MAP4K1: variants seen among roughly 807,000 people sequenced by gnomAD.
The protein encoded by MAP4K1 is mitogen-activated protein kinase kinase kinase kinase 1.
MAP4K1 carries 35 observed loss-of-function variants against 122.8 expected under a neutral mutation model. The observed-to-expected ratio is 0.29, with a 90% CI of 0.22 to 0.38. The LOEUF is 0.38. Ranked by LOEUF, MAP4K1 falls within the 10% of genes least tolerant of loss-of-function variation. The pLI is 1.00. For missense variants in MAP4K1, 791 were observed against 1,072.6 expected (o/e 0.74, Z 3.67); for synonymous variants, 412 against 421.3 (o/e 0.98, Z 0.27).
intron 29 of MAP4K1, among the ~76,000 whole-genome samples, chr19:38,594,969 C>G (rs1478799952): frequency 1.3e-5 from 2 of 149,384 alleles, no homozygotes; most frequent in Admixed American, 6.7e-5. Context: ...ATCTATCTAT[C>G]TATCTATCTA....
intron 4 of MAP4K1, among the ~76,000 whole-genome samples, chr19:38,615,286 C>A (rs972610685): frequency 1.3e-5 from 2 of 150,852 alleles, no homozygotes; most frequent in African/African-American, 4.9e-5. Context: ...TGGGGTGGAC[C>A]CTGATGAGGA....
intron 8 of MAP4K1, among the ~76,000 whole-genome samples, chr19:38,613,495 A>T (rs535334973): frequency 4.7e-4 from 72 of 152,022 alleles, no homozygotes; most frequent in Non-Finnish European, 8.5e-4. Context: ...ACTGCAATCC[A>T]GCCTGGGCCA....
chr19:38,597,377 T>C lies in MAP4K1; in HGVS notation c.1786A>G (p.Met596Val). The change falls in exon 24 of 31, where the codon ATG becomes GTG. Residue 596 changes from methionine to valine, a missense_variant. Met to Val is a conservative substitution (Grantham distance 21). Coordinates refer to ENST00000396857, the MANE Select transcript of MAP4K1 (RefSeq NM_001042600.3). The surrounding 1 kb of genome is among the most constrained non-coding windows in gnomAD (Gnocchi z 4.6). ...GTGTCCTGGATCTTGGTGGAAACCA[T>C]GTTCTTCCTGGAGAATAGGTAGGTG... ...SPHRLLARKN[M>V]VSTKIQDTKG... is the part of the protein sequence containing the mutation. 5 of 1,614,020 alleles carry C rather than the reference T, an allele frequency of 3.1e-6. 1 individual carries two copies. Among genetic ancestry groups the C allele is most frequent in the Non-Finnish European group, 4.2e-6 (5 of 1,180,006 alleles).
At chr19:38,604,813 G>A (rs1975275958) in intron 19 of MAP4K1, among the ~76,000 whole-genome samples, 1 of 148,686 alleles carries the variant, frequency 6.7e-6, no homozygotes, top group Non-Finnish European at 1.5e-5. Flanking sequence ...CATGCCAGAC[G>A]CGGTGGCTCA....
chr19:38,595,899 T>C, intron 27 of MAP4K1, 40 bp downstream of exon 27: 2 of 1,602,826 alleles, frequency 1.2e-6, no homozygotes, highest in Non-Finnish European at 8.5e-7. Context: ...GGACTGCAGC[T>C]GGAGGGGTGG....
At chr19:38,590,994 CACACACAT>C (rs1024901087) in intron 30 of MAP4K1, among the ~76,000 whole-genome samples, 3 of 150,138 alleles carry the variant, frequency 2.0e-5, no homozygotes, top group Non-Finnish European at 2.9e-5. Context: ...CACACACACA[CACACACAT>C]ATACTTGTAT....
At chr19:38,591,025 C>T (rs1457145290) in intron 30 of MAP4K1, among the ~76,000 whole-genome samples, 5 of 150,900 alleles carry the variant, frequency 3.3e-5, no homozygotes, top group African/African-American at 7.3e-5. Context: ...GTGGTGTGTG[C>T]GCATAAGAAA....
At position 38,605,665 on chromosome 19, in the gene MAP4K1, C is replaced by A; in HGVS notation, c.1266G>T (p.Pro422=). The A allele has an allele frequency of 6.2e-7, 1 of 1,605,678 alleles. No individual in the cohort carries two copies. ...GSMGDDGQLS[P]GVLVRCASGP... is the part of the protein sequence containing the mutation. Reference sequence around the variant, plus strand: ...CACTGGCACACCGGACCAGCACCCCCGGGCTCAGCTGCCCATCATCCCCCA... The same window carrying A: ...CACTGGCACACCGGACCAGCACCCCAGGGCTCAGCTGCCCATCATCCCCCA... Residue 422 remains proline, a synonymous_variant, in exon 18 of 31, where the codon CCG becomes CCT. Coordinates refer to ENST00000396857, the MANE Select transcript of MAP4K1 (RefSeq NM_001042600.3).
At chr19:38,607,809 A>C in intron 16 of MAP4K1, 55 bp downstream of exon 16, 1 of 1,579,158 alleles carries the variant, frequency 6.3e-7, no homozygotes, top group Non-Finnish European at 8.6e-7. Context: ...AGGGGATTGT[A>C]GGAAGGTGGG....
chr19:38,617,519 G>C lies in MAP4K1; in HGVS notation c.157+49C>G. ...CAGGGGAGGTGATCCCAGTGTCCCA[G>C]GAGGCGAAGGTGGGGATGTGGGGAA... On this transcript the variant is annotated intron_variant, in intron 2 of 30. Coordinates refer to ENST00000396857, the MANE Select transcript of MAP4K1 (RefSeq NM_001042600.3). The surrounding 1 kb of genome is among the most constrained non-coding windows in gnomAD (Gnocchi z 4.1). 6.2e-7 allele frequency: 1 copy of C among 1,611,722 alleles called. No homozygotes were observed. The highest frequency in any genetic ancestry group is 8.5e-7 in the Non-Finnish European group (1 of 1,177,916).
chr19:38,610,035 G>T lies in MAP4K1; in HGVS notation c.811-10C>A. Reference sequence around the variant, plus strand: ...GGGATACCAGTTGATGCTGGCGGAGGGAAGAGGTGTCCGTATCCAGAGGGA... The same window carrying T: ...GGGATACCAGTTGATGCTGGCGGAGTGAAGAGGTGTCCGTATCCAGAGGGA... On this transcript the variant is annotated splice_polypyrimidine_tract_variant and intron_variant, in intron 11 of 30. Coordinates refer to ENST00000396857, the MANE Select transcript of MAP4K1 (RefSeq NM_001042600.3). 1 of 1,590,778 alleles carries T rather than the reference G, an allele frequency of 6.3e-7. No individual in the cohort carries two copies. The highest frequency in any genetic ancestry group is 2.2e-5 in the East Asian group (1 of 44,770).
chr19:38,617,574 C>T lies in MAP4K1; in HGVS notation c.151G>A (p.Glu51Lys). The T allele has an allele frequency of 6.2e-7, 1 of 1,614,050 alleles. No homozygotes were observed. Among genetic ancestry groups the T allele is most frequent in the Non-Finnish European group, 8.5e-7 (1 of 1,179,984 alleles). ...DLVALKMVKM[E>K]PDDDVSTLQK... is the part of the protein sequence containing the mutation. ...CTCCATGTTCCCTCCTCACCAGGCT[C>T]CATCTTCACCATCTTCAGTGCCACC... is the stretch of plus-strand genomic sequence containing the variant. The change falls in exon 2 of 31, where the codon GAG (glutamate) becomes AAG (lysine). Residue 51 changes from glutamate (E) to lysine (K), a missense_variant. Physicochemically the swap from Glu to Lys is moderately conservative, Grantham distance 56 (BLOSUM62 1). This residue lies in a region of MAP4K1 where 163 missense variants were observed against 286.1 expected (regional missense o/e 0.57). Coordinates refer to ENST00000396857, the MANE Select transcript of MAP4K1 (RefSeq NM_001042600.3). The surrounding 1 kb of genome is among the most constrained non-coding windows in gnomAD (Gnocchi z 4.1).
intron 30 of MAP4K1, chr19:38,589,337 A>G: frequency 4.0e-6 from 1 of 248,038 alleles, no homozygotes; most frequent in Non-Finnish European, 8.2e-6. Flanking sequence ...AAAACAATAA[A>G]ACTAGTGGGT....
At chr19:38,606,823 C>A (rs576039504) in intron 16 of MAP4K1, among the ~76,000 whole-genome samples, 3 of 152,234 alleles carry the variant, frequency 2.0e-5, no homozygotes, top group Non-Finnish European at 1.5e-5. Context: ...ACATCAGCGC[C>A]GTGGCCCTGC....
At chr19:38,598,491 G>A (rs1373459019) in intron 22 of MAP4K1, among the ~76,000 whole-genome samples, 1 of 151,934 alleles carries the variant, frequency 6.6e-6, no homozygotes, top group Non-Finnish European at 1.5e-5. Context: ...ACCACACCCA[G>A]CTAATTTTTT....
rs570962554 is a variant in MAP4K1 at position 38,607,212 on chromosome 19, G to C, written c.1157+652C>G. Reference sequence around the variant, plus strand: ...TAGAAGGAACTGGGGTCAGCTCTGGGGTGGAGAGCAGGTGGGGGGCTGACG... The same window carrying C: ...TAGAAGGAACTGGGGTCAGCTCTGGCGTGGAGAGCAGGTGGGGGGCTGACG... On this transcript the variant is annotated intron_variant, in intron 16 of 30. Transcript: ENST00000396857. Among the ~76,000 whole-genome samples the C allele has an allele frequency of 2.0e-5, 3 of 152,104 alleles. No individual in the cohort carries two copies. In the East Asian group the frequency reaches 5.8e-4, roughly 29 times the overall value.
At chr19:38,603,865 T>C (rs1320581785) in intron 19 of MAP4K1, among the ~76,000 whole-genome samples, 1 of 151,588 alleles carries the variant, frequency 6.6e-6, no homozygotes, top group East Asian at 1.9e-4. Flanking sequence ...GCGCCTGTAG[T>C]CATGGCTACT....
chr19:38,595,739 G>A lies in MAP4K1; in HGVS notation c.2180-10C>T. On this transcript the variant is annotated splice_polypyrimidine_tract_variant and intron_variant, in intron 27 of 30. Coordinates refer to ENST00000396857, the MANE Select transcript of MAP4K1 (RefSeq NM_001042600.3). ...ACCAGCTTCACAGAGCCTGGAAGGA[G>A]ATAGACGGTTTTAAGAACTGTGAGC... 1.3e-6 allele frequency: 2 copies of A among 1,588,476 alleles called. No individual in the cohort carries two copies. Among genetic ancestry groups the A allele is most frequent in the Non-Finnish European group, 1.7e-6 (2 of 1,166,948 alleles).
chr19:38,602,465 C>CATATACAT (rs1460650877), intron 19 of MAP4K1, among the ~76,000 whole-genome samples: 1 of 146,130 alleles, frequency 6.8e-6, no homozygotes, highest in Admixed American at 6.7e-5. Flanking sequence ...TATATACACA[C>CATATACAT]ATATACATAT....
Sources: allele counts gnomAD v4.1 joint callset (sites outside exome capture counted in the v4.1 genomes callset), GRCh38; gene constraint gnomAD v4.1.1; regional missense constraint gnomAD v4.1.1; non-coding constraint Gnocchi (gnomAD v3.1); transcripts MANE v1.5; gene names NCBI Gene and HGNC (gene_info 2026-07-23, HGNC 2026-07-21).